Variants in SHTN1 observed in about 807,000 individuals in gnomAD.
SHTN1 encodes the protein shootin 1, also known as shootin-1.
In SHTN1, 42 loss-of-function variants were observed where a neutral mutation model predicts 83.1. That is an observed-to-expected ratio of 0.51 (90% CI 0.39 to 0.65). SHTN1 has a LOEUF of 0.65. Ranked by LOEUF, SHTN1 falls within the 30% of genes least tolerant of loss-of-function variation. The probability of loss-of-function intolerance (pLI) is 0.00; values close to 1 mark genes in which losing one functional copy is unlikely to be tolerated. For synonymous variants in SHTN1, 224 were observed against 247.7 expected (o/e 0.90, Z 0.90); for missense variants, 622 against 737.8 (o/e 0.84, Z 1.82).
chr10:116,913,249 T>A (rs1848270040), intron 13 of SHTN1, among the ~76,000 whole-genome samples: 1 of 152,224 alleles, frequency 6.6e-6, no homozygotes, highest in African/African-American at 2.4e-5. Context: ...TGCACAAGCC[T>A]TTTGAACCCT....
intron 3 of SHTN1, among the ~76,000 whole-genome samples, chr10:116,962,243 T>C (rs1003492963): frequency 6.6e-6 from 1 of 152,098 alleles, no homozygotes; most frequent in African/African-American, 2.4e-5. Flanking sequence ...AGGCCAAGTT[T>C]ATTCACACAC....
intron 1 of SHTN1, among the ~76,000 whole-genome samples, chr10:117,068,793 A>G (rs1453323306): frequency 6.6e-6 from 1 of 152,192 alleles, no homozygotes; most frequent in African/African-American, 2.4e-5. Flanking sequence ...GTGCAGTGAC[A>G]TGATGGGGAA....
At chr10:116,975,394 G>C (rs1850764157) in intron 2 of SHTN1, among the ~76,000 whole-genome samples, 1 of 152,122 alleles carries the variant, frequency 6.6e-6, no homozygotes, top group Non-Finnish European at 1.5e-5. Context: ...ATGGAAAAGA[G>C]TAGGAACCTT....
At chr10:116,998,016 T>C (rs1426607201) in intron 1 of SHTN1, among the ~76,000 whole-genome samples, 1 of 152,056 alleles carries the variant, frequency 6.6e-6, no homozygotes. Flanking sequence ...GGTGTGAACC[T>C]GGGAGGCGGA....
chr10:116,916,388 G>A (rs1194071975), intron 12 of SHTN1, among the ~76,000 whole-genome samples: 1 of 152,154 alleles, frequency 6.6e-6, no homozygotes, highest in Admixed American at 6.5e-5. Context: ...GCTCATTGCA[G>A]CCAACATATT....
At chr10:117,087,627 T>C (rs1853369251) in intron 1 of SHTN1, among the ~76,000 whole-genome samples, 1 of 152,122 alleles carries the variant, frequency 6.6e-6, no homozygotes, top group Non-Finnish European at 1.5e-5. Flanking sequence ...CTTTAAAAAA[T>C]ATTTACGTGA....
rs1315322054 is a variant in SHTN1, at chr10:116,886,239, TAC to T, written c.*103_*104del. On this transcript the variant is annotated 3_prime_UTR_variant, in exon 17 of 17. Transcript: ENST00000355371. ...ACCAGAAAAGAACCTGTATTCTGAA[TAC>T]AGTGACCAGAGCAGAATGTCTACAG... is the stretch of plus-strand genomic sequence containing the variant. The T allele has an allele frequency of 6.9e-7, 1 of 1,458,756 alleles. No individual in the cohort carries two copies. The highest frequency in any genetic ancestry group is 9.2e-7 in the Non-Finnish European group (1 of 1,082,242). The allele number at this position is 1,458,756 out of a possible 1,614,324, so 90.4% of individuals were successfully genotyped here. A position where few individuals can be genotyped will look rare whatever the true frequency, so the allele number is the denominator to read the frequency against.
chr10:116,906,471 T>C (rs1275279081), intron 15 of SHTN1, among the ~76,000 whole-genome samples, 156 bp downstream of exon 15: 2 of 152,242 alleles, frequency 1.3e-5, no homozygotes, highest in African/African-American at 4.8e-5. Flanking sequence ...TTATGAGATA[T>C]CCATAAATAT....
intron 1 of SHTN1, among the ~76,000 whole-genome samples, chr10:117,055,459 C>G (rs191176242): frequency 6.6e-6 from 1 of 152,306 alleles, no homozygotes; most frequent in African/African-American, 2.4e-5. Flanking sequence ...TAGAGAGTGC[C>G]TGGTTAATGG....
intron 16 of SHTN1, among the ~76,000 whole-genome samples, chr10:116,890,202 A>C (rs997304383): frequency 8.5e-5 from 13 of 152,212 alleles, no homozygotes; most frequent in Non-Finnish European, 1.5e-4. Context: ...CTAAGGACTA[A>C]GACCACAATA....
At chr10:116,927,951 CA>C in intron 10 of SHTN1, 60 bp from the exon 11 acceptor site, 1 of 1,563,894 alleles carries the variant, frequency 6.4e-7, no homozygotes, top group African/African-American at 1.4e-5. Flanking sequence ...ATTGTTTATA[CA>C]TGTGAAAAAA....
intron 3 of SHTN1, among the ~76,000 whole-genome samples, chr10:116,961,213 T>C (rs1292956115): frequency 4.6e-5 from 7 of 152,292 alleles, no homozygotes; most frequent in Middle Eastern, 3.4e-3. Context: ...AGATTACTTT[T>C]GCTTCATTTA....
intron 3 of SHTN1, among the ~76,000 whole-genome samples, chr10:116,965,790 T>C (rs745773733): frequency 6.6e-5 from 10 of 152,192 alleles, no homozygotes; most frequent in Non-Finnish European, 1.5e-4. Flanking sequence ...ATTATCTTTT[T>C]TCACCCTCAA....
At position 116,945,658 on chromosome 10, in the gene SHTN1, T is replaced by C. The variant is rs1412085181; in HGVS notation, c.617-640A>G. ...CCATCCAAGAGGCAACTGGTAAAAA[T>C]TTTAAAGCATGGTTTTATTAAATTT... is the stretch of plus-strand genomic sequence containing the variant. On this transcript the variant is annotated intron_variant, in intron 7 of 16. Transcript: ENST00000355371. Among the ~76,000 whole-genome samples the C allele has an allele frequency of 3.3e-5, 5 of 152,198 alleles. No homozygotes were observed. The East Asian group carries it at 9.7e-4, about 29-fold the overall frequency.
intron 1 of SHTN1, among the ~76,000 whole-genome samples, chr10:116,983,859 A>C (rs1373623041): frequency 6.6e-6 from 1 of 152,148 alleles, no homozygotes; most frequent in Non-Finnish European, 1.5e-5. Flanking sequence ...ATGGTGGAGA[A>C]AACAAGGAGA....
intron 1 of SHTN1, among the ~76,000 whole-genome samples, chr10:117,124,636 G>T (rs1003740055): frequency 3.3e-5 from 5 of 152,156 alleles, no homozygotes; most frequent in South Asian, 2.1e-4. Context: ...AGCCGAGCGT[G>T]GTGGTGGGCA....
At chr10:117,007,783 C>T (rs369671670), upstream of SHTN1, among the ~76,000 whole-genome samples, 6 of 151,786 alleles carry the variant, frequency 4.0e-5, no homozygotes, top group African/African-American at 7.2e-5. Flanking sequence ...GAGGCCGAGG[C>T]GGGCAGATCA....
chr10:116,985,987 A>C (rs1415426712), intron 1 of SHTN1, among the ~76,000 whole-genome samples: 1 of 152,368 alleles, frequency 6.6e-6, no homozygotes, highest in East Asian at 1.9e-4. Context: ...CAGATTTCAT[A>C]TCCTGAAAAG....
intron 1 of SHTN1, among the ~76,000 whole-genome samples, chr10:117,122,991 T>C (rs1201031143): frequency 3.3e-5 from 5 of 152,218 alleles, no homozygotes; most frequent in Admixed American, 1.3e-4. Flanking sequence ...TACCATTCAC[T>C]GAACCACTAC....
Sources: gnomAD v4.1 joint callset for allele counts (sites outside exome capture counted in the v4.1 genomes callset) on GRCh38, gnomAD v4.1.1 for gene constraint, MANE v1.5 for transcripts, NCBI Gene and HGNC (gene_info 2026-07-23, HGNC 2026-07-21) for gene names.